SCN7A: variants seen among roughly 807,000 people sequenced by gnomAD.
SCN7A encodes sodium channel protein type 7 subunit alpha.
SCN7A carries 138 observed loss-of-function variants against 155.2 expected under a neutral mutation model. The observed-to-expected ratio is 0.89, with a 90% CI of 0.77 to 1.02. SCN7A has a LOEUF of 1.02. Among genes scored for constraint, SCN7A ranks in the 50% least tolerant of loss-of-function variants. The probability of loss-of-function intolerance (pLI) is 0.00; values close to 1 mark genes in which losing one functional copy is unlikely to be tolerated. For synonymous variants in SCN7A, 693 were observed against 649.0 expected (o/e 1.07, Z -1.03); for missense variants, 2,058 against 1,986.6 (o/e 1.04, Z -0.68).
At chr2:166,454,971 T>C (rs956285410) in intron 11 of SCN7A, among the ~76,000 whole-genome samples, 9 of 152,176 alleles carry the variant, frequency 5.9e-5, no homozygotes, top group African/African-American at 1.4e-4. Flanking sequence ...ACTAAGGTAA[T>C]TGACAATTAC....
chr2:166,413,065 T>A lies in SCN7A; in HGVS notation c.3468+3A>T. On this transcript the variant is annotated splice_donor_region_variant and intron_variant, in intron 22 of 25. Coordinates refer to ENST00000643258, the MANE Select transcript of SCN7A (RefSeq NM_002976.4). ...AATGGCTTTAAAATGATATTATACT[T>A]ACAGCAACAGAATCAATTGCTGAAT... 1 of 1,529,286 alleles carries A rather than the reference T, an allele frequency of 6.5e-7. No individual in the cohort carries two copies. The highest frequency in any genetic ancestry group is 8.8e-7 in the Non-Finnish European group (1 of 1,135,834). The allele number at this position is 1,529,286 out of a possible 1,614,324, so 94.7% of individuals were successfully genotyped here.
chr2:166,468,259 C>T (rs1018935127), intron 7 of SCN7A, among the ~76,000 whole-genome samples: 5 of 151,886 alleles, frequency 3.3e-5, no homozygotes, highest in Admixed American at 6.6e-5. Context: ...AATTCAAATC[C>T]TTACAAGGGC....
intron 10 of SCN7A, among the ~76,000 whole-genome samples, chr2:166,458,189 G>A (rs1371985911): frequency 2.0e-5 from 3 of 152,012 alleles, no homozygotes; most frequent in Non-Finnish European, 2.9e-5. Context: ...ATAGCTGGAT[G>A]TGGTGGCATT....
chr2:166,437,392 C>CTGGA (rs1283387252), intron 15 of SCN7A, among the ~76,000 whole-genome samples: 3 of 152,168 alleles, frequency 2.0e-5, no homozygotes, highest in Non-Finnish European at 2.9e-5. Flanking sequence ...ATGGAAATGC[C>CTGGA]TGGATGTCCA....
intron 18 of SCN7A, among the ~76,000 whole-genome samples, chr2:166,423,939 A>G (rs1005508853): frequency 1.3e-5 from 2 of 152,144 alleles, no homozygotes; most frequent in African/African-American, 4.8e-5. Flanking sequence ...GTTTCTCCAA[A>G]GCTTCTCAGT....
Position 166,480,705 on chromosome 2 carries a change from T to C in SCN7A, c.-14-2995A>G, listed in dbSNP as rs548160923. On this transcript the variant is annotated intron_variant, in intron 2 of 25. Transcript: ENST00000643258. ...CAACTGTGACTTGACATTGTCTTGG[T>C]ATTTTGAATCTCCTCCTTCTATGTG... is the stretch of plus-strand genomic sequence containing the variant. Among the ~76,000 whole-genome samples, 75 of 152,322 alleles carry C rather than the reference T, an allele frequency of 4.9e-4. 1 individual carries two copies. The highest frequency in any genetic ancestry group is 1.8e-3 in the African/African-American group (74 of 41,578).
chr2:166,441,206 T>C, intron 15 of SCN7A, 190 bp downstream of exon 15: 1 of 472,742 alleles, frequency 2.1e-6, no homozygotes, highest in Non-Finnish European at 3.7e-6. Flanking sequence ...CTGGTGCATA[T>C]TCTACATTTA....
At chr2:166,450,039 C>T (rs539578616) in intron 11 of SCN7A, among the ~76,000 whole-genome samples, 3 of 152,262 alleles carry the variant, frequency 2.0e-5, no homozygotes, top group Non-Finnish European at 4.4e-5. Context: ...GCACTATTCA[C>T]AACAGCAAGG....
chr2:166,465,743 GT>G (rs2105485434), intron 8 of SCN7A, 37 bp downstream of exon 8: 1 of 1,600,212 alleles, frequency 6.2e-7, no homozygotes, highest in Non-Finnish European at 8.6e-7. Flanking sequence ...TTTAACGAAA[GT>G]TTCAATTTTT....
rs115248368 is a variant in SCN7A at position 166,438,023 on chromosome 2, T to C, written c.2157+3373A>G. ...ACTTTTGGAAAGGCACGATAGTGTT[T>C]TGAAATGTGAGGATATGAGATTTGG... is the stretch of plus-strand genomic sequence containing the variant. On this transcript the variant is annotated intron_variant, in intron 15 of 25. Transcript: ENST00000643258. Among the ~76,000 whole-genome samples the C allele has an allele frequency of 4.6e-3, 698 of 152,228 alleles. 9 individuals carry two copies. The highest frequency in any genetic ancestry group is 0.016 in the African/African-American group (677 of 41,548).
At chr2:166,440,362 C>A (rs1378330531) in intron 15 of SCN7A, among the ~76,000 whole-genome samples, 2 of 152,124 alleles carry the variant, frequency 1.3e-5, no homozygotes, top group East Asian at 3.9e-4. Flanking sequence ...TTAATGGGCA[C>A]ACAAATCACC....
At position 166,447,675 on chromosome 2, in the gene SCN7A, ACCTTTTCTTCATTTCT is replaced by A; in HGVS notation, c.1308_1323del (p.Glu437HisfsTer42). Reference sequence around the variant, plus strand: ...AATGATGTGTCTGTGGAAATTGGTGACCTTTTCTTCATTTCTATTTGTATGGTCTTGGCCTGAAAAG... The same window carrying A: ...AATGATGTGTCTGTGGAAATTGGTGAATTTGTATGGTCTTGGCCTGAAAAG... On this transcript the variant is annotated frameshift_variant, in exon 12 of 26. Coordinates refer to ENST00000643258, the MANE Select transcript of SCN7A (RefSeq NM_002976.4). LOFTEE classifies it high-confidence loss of function. 1.2e-6 allele frequency: 2 copies of A among 1,613,178 alleles called. No individual in the cohort carries two copies. The highest frequency in any genetic ancestry group is 2.2e-5 in the South Asian group (2 of 91,042).
At chr2:166,422,284 G>A (rs1398758938) in intron 19 of SCN7A, among the ~76,000 whole-genome samples, 2 of 152,060 alleles carry the variant, frequency 1.3e-5, no homozygotes, top group Non-Finnish European at 2.9e-5. Context: ...TGACTTAAAG[G>A]AGGGAAGAAA....
At chr2:166,473,550 A>C (rs1018378694) in intron 5 of SCN7A, among the ~76,000 whole-genome samples, 1 of 151,650 alleles carries the variant, frequency 6.6e-6, no homozygotes, top group African/African-American at 2.4e-5. Context: ...GAAAGGGAGA[A>C]AGTGATTTTC....
chr2:166,424,930 C>T (rs1035382273), intron 18 of SCN7A, among the ~76,000 whole-genome samples: 3 of 151,968 alleles, frequency 2.0e-5, no homozygotes, highest in Admixed American at 1.3e-4. Flanking sequence ...CCACAGCAAC[C>T]GAGTGTTGCT....
intron 7 of SCN7A, among the ~76,000 whole-genome samples, chr2:166,467,232 C>A: frequency 6.6e-6 from 1 of 151,724 alleles, no homozygotes; most frequent in South Asian, 2.1e-4. Flanking sequence ...AGAACTGGAA[C>A]ATTTTGAAAT....
chr2:166,457,360 T>C (rs1049654404), intron 10 of SCN7A, among the ~76,000 whole-genome samples: 3 of 152,350 alleles, frequency 2.0e-5, no homozygotes, highest in South Asian at 2.1e-4. Context: ...TCTTCATTGA[T>C]AGAGAAAATA....
At chr2:166,493,774 C>T (rs965748303) in intron 1 of SCN7A, among the ~76,000 whole-genome samples, 194 bp downstream of exon 1, 2 of 152,202 alleles carry the variant, frequency 1.3e-5, no homozygotes, top group African/African-American at 2.4e-5. Context: ...CCACAGACCA[C>T]GGCTGCTCTT....
intron 24 of SCN7A, 116 bp from the exon 25 acceptor site, chr2:166,410,051 A>G (rs1574998678): frequency 8.1e-7 from 1 of 1,239,760 alleles, no homozygotes; most frequent in African/African-American, 1.5e-5. Flanking sequence ...GTGTGAACCT[A>G]AATTTTTGCC....
Sources: gnomAD v4.1 joint callset for allele counts (sites outside exome capture counted in the v4.1 genomes callset) on GRCh38, gnomAD v4.1.1 for gene constraint, MANE v1.5 for transcripts, NCBI Gene and HGNC (gene_info 2026-07-23, HGNC 2026-07-21) for gene names.